PDE11A: variants seen among roughly 807,000 people sequenced by gnomAD.
PDE11A encodes phosphodiesterase 11A.
PDE11A carries 100 observed loss-of-function variants against 100.5 expected under a neutral mutation model. The observed-to-expected ratio is 1.00, with a 90% CI of 0.85 to 1.18. The LOEUF (loss-of-function observed/expected upper bound fraction) is 1.18, where lower values mean the gene tolerates loss of function less well. Among genes scored for constraint, PDE11A ranks in the 50% most tolerant of loss-of-function variants. The pLI, the probability that PDE11A is intolerant of heterozygous loss-of-function variation, is 0.00. For synonymous variants in PDE11A, 381 were observed against 420.8 expected (o/e 0.91, Z 1.16); for missense variants, 1,141 against 1,152.6 (o/e 0.99, Z 0.15).
At chr2:177,783,882 T>C (rs6726253) in intron 9 of PDE11A, among the ~76,000 whole-genome samples, 50,472 of 151,884 alleles carry the variant, frequency 0.33, 8,758 homozygotes, top group African/African-American at 0.39. Flanking sequence ...TTTGTTATAT[T>C]CAACAGGTAT....
At chr2:177,711,427 C>T (rs554930563) in intron 13 of PDE11A, among the ~76,000 whole-genome samples, 54 of 152,322 alleles carry the variant, frequency 3.5e-4, no homozygotes, top group African/African-American at 1.1e-3. Flanking sequence ...TTAACAGTCT[C>T]ACACCAGAGT....
At chr2:177,794,713 C>T (rs1249889028) in intron 9 of PDE11A, among the ~76,000 whole-genome samples, 1 of 152,134 alleles carries the variant, frequency 6.6e-6, no homozygotes, top group African/African-American at 2.4e-5. Context: ...CTACACCGAC[C>T]CCCCAACACA....
intron 4 of PDE11A, among the ~76,000 whole-genome samples, chr2:177,879,451 G>A (rs370060712): frequency 1.4e-4 from 21 of 152,086 alleles, no homozygotes; most frequent in East Asian, 3.9e-4. Context: ...AATACGTACC[G>A]TCTTATGTGT....
chr2:177,690,770 TAAA>T (rs1424181591), intron 15 of PDE11A, among the ~76,000 whole-genome samples: 1 of 152,212 alleles, frequency 6.6e-6, no homozygotes, highest in Non-Finnish European at 1.5e-5. Flanking sequence ...AAGCCGATCT[TAAA>T]AGCATTGAGC....
chr2:177,817,733 T>C, intron 8 of PDE11A, 125 bp downstream of exon 8: 1 of 649,390 alleles, frequency 1.5e-6, no homozygotes, highest in East Asian at 2.8e-5. Context: ...AATCTTCCTG[T>C]TAATTTTGCC....
chr2:177,830,868 G>T (rs1011613741), intron 6 of PDE11A, among the ~76,000 whole-genome samples: 11 of 151,922 alleles, frequency 7.2e-5, no homozygotes, highest in Admixed American at 5.2e-4. Context: ...TATTGAGTAG[G>T]TCTTTTCTGT....
chr2:177,769,034 G>A (rs570920015), intron 10 of PDE11A, among the ~76,000 whole-genome samples: 3 of 152,218 alleles, frequency 2.0e-5, no homozygotes, highest in African/African-American at 4.8e-5. Context: ...TGCCAAAACC[G>A]GGTGTCCTGA....
intron 3 of PDE11A, among the ~76,000 whole-genome samples, chr2:177,902,099 C>A (rs2084706208): frequency 6.6e-6 from 1 of 152,062 alleles, no homozygotes; most frequent in Non-Finnish European, 1.5e-5. Flanking sequence ...CCATGATATC[C>A]CCTGTGACTT....
intron 10 of PDE11A, among the ~76,000 whole-genome samples, chr2:177,765,431 C>T (rs997082407): frequency 6.6e-6 from 1 of 152,216 alleles, no homozygotes; most frequent in Non-Finnish European, 1.5e-5. Flanking sequence ...AGTACAGAGT[C>T]TCCATCTCTC....
chr2:178,052,933 G>T (rs974644783), intron 1 of PDE11A, among the ~76,000 whole-genome samples: 4 of 152,120 alleles, frequency 2.6e-5, no homozygotes, highest in African/African-American at 9.7e-5. Flanking sequence ...TCTACCAGAG[G>T]TACAAAGAGG....
chr2:177,794,165 G>A (rs1249362478), intron 9 of PDE11A, among the ~76,000 whole-genome samples: 1 of 152,054 alleles, frequency 6.6e-6, no homozygotes, highest in Non-Finnish European at 1.5e-5. Context: ...TTGGGGGCAG[G>A]AAAGGGGGCA....
intron 2 of PDE11A, among the ~76,000 whole-genome samples, chr2:178,099,874 G>T (rs574619890): frequency 1.3e-5 from 2 of 152,106 alleles, no homozygotes; most frequent in South Asian, 2.1e-4. Flanking sequence ...CTCTATCAAC[G>T]GATAAATAGA....
At chr2:177,900,592 C>T (rs1257608943) in intron 3 of PDE11A, among the ~76,000 whole-genome samples, 1 of 152,054 alleles carries the variant, frequency 6.6e-6, no homozygotes, top group African/African-American at 2.4e-5. Flanking sequence ...CCTGTCTCTA[C>T]TAAAAATACA....
At chr2:177,841,104 T>C (rs1465414323) in intron 5 of PDE11A, among the ~76,000 whole-genome samples, 1 of 152,186 alleles carries the variant, frequency 6.6e-6, no homozygotes, top group Non-Finnish European at 1.5e-5. Context: ...TTATGCCAAA[T>C]GATTTTTTGA....
At chr2:177,931,882 C>T (rs1013963397) in intron 2 of PDE11A, among the ~76,000 whole-genome samples, 2 of 80,458 alleles carry the variant, frequency 2.5e-5, no homozygotes, top group Admixed American at 2.8e-4. Flanking sequence ...AAAGGATAAA[C>T]AAGATCAATA....
chr2:177,885,513 A>AT (rs960987216), intron 4 of PDE11A, among the ~76,000 whole-genome samples: 16 of 151,732 alleles, frequency 1.1e-4, no homozygotes, highest in South Asian at 2.1e-4. Context: ...TCATCAGAGG[A>AT]TTTTTTTTTA....
chr2:177,894,824 T>C (rs2084584619), intron 4 of PDE11A, among the ~76,000 whole-genome samples: 1 of 152,194 alleles, frequency 6.6e-6, no homozygotes, highest in Admixed American at 6.5e-5. Context: ...ACTCCTTTAA[T>C]CAACTGCAAA....
At chr2:178,057,763 C>T (rs1478783952) in intron 1 of PDE11A, among the ~76,000 whole-genome samples, 1 of 152,154 alleles carries the variant, frequency 6.6e-6, no homozygotes, top group African/African-American at 2.4e-5. Flanking sequence ...AGCATGATAG[C>T]CCTGCACCTG....
intron 12 of PDE11A, among the ~76,000 whole-genome samples, chr2:177,724,477 T>C (rs186229232): frequency 9.9e-5 from 15 of 152,268 alleles, no homozygotes; most frequent in Admixed American, 5.9e-4. Flanking sequence ...CATATATTTA[T>C]AATTTGCTTG....
Sources: allele counts gnomAD v4.1 joint callset (sites outside exome capture counted in the v4.1 genomes callset), GRCh38; gene constraint gnomAD v4.1.1; transcripts MANE v1.5; gene names NCBI Gene and HGNC (gene_info 2026-07-23, HGNC 2026-07-21).